EXOC4: variants seen among roughly 807,000 people sequenced by gnomAD.
EXOC4 encodes the protein exocyst complex component 4.
In EXOC4, 71 loss-of-function variants were observed where a neutral mutation model predicts 107.2. That is an observed-to-expected ratio of 0.66 (90% CI 0.55 to 0.81). EXOC4 has a LOEUF of 0.81. Ranked by LOEUF, EXOC4 falls within the 30% of genes least tolerant of loss-of-function variation. The pLI is 0.00. For synonymous variants in EXOC4, 456 were observed against 441.2 expected, an observed-to-expected ratio of 1.03 and a Z score of -0.42; for missense variants, 1,108 against 1,189.6, an observed-to-expected ratio of 0.93 and a Z score of 1.01.
At chr7:133,736,938 GT>G (rs1462061960) in intron 10 of EXOC4, among the ~76,000 whole-genome samples, 10 of 152,080 alleles carry the variant, frequency 6.6e-5, no homozygotes, top group African/African-American at 2.4e-4. Context: ...TGCTGAAATT[GT>G]TTTTGTTTTT....
chr7:133,309,575 G>GTA (rs377292906), intron 4 of EXOC4, among the ~76,000 whole-genome samples: 4 of 152,102 alleles, frequency 2.6e-5, no homozygotes, highest in African/African-American at 4.8e-5. Flanking sequence ...ATAGGTACAT[G>GTA]TATATATATA....
At chr7:133,679,007 G>A (rs140704264) in intron 10 of EXOC4, among the ~76,000 whole-genome samples, 62 of 151,898 alleles carry the variant, frequency 4.1e-4, no homozygotes, top group African/African-American at 1.2e-3. Context: ...TTTTATTTTT[G>A]TGTTTATTCT....
chr7:133,730,041 G>GGT (rs925722499), intron 10 of EXOC4, among the ~76,000 whole-genome samples: 6 of 150,680 alleles, frequency 4.0e-5, no homozygotes, highest in African/African-American at 1.5e-4. Context: ...CTTGGATTTA[G>GGT]GTGAAGGAAA....
At chr7:133,347,831 AAT>A (rs1795821421) in intron 5 of EXOC4, among the ~76,000 whole-genome samples, 1 of 152,134 alleles carries the variant, frequency 6.6e-6, no homozygotes. Flanking sequence ...AAAATCTTTT[AAT>A]ATTTAGCATT....
At chr7:133,793,443 A>G (rs1388993375) in intron 10 of EXOC4, among the ~76,000 whole-genome samples, 1 of 152,156 alleles carries the variant, frequency 6.6e-6, no homozygotes, top group East Asian at 1.9e-4. Flanking sequence ...GGGATCTGCC[A>G]CCATTCTGTT....
chr7:133,395,459 C>T (rs930982230), intron 7 of EXOC4, among the ~76,000 whole-genome samples: 1 of 152,012 alleles, frequency 6.6e-6, no homozygotes, highest in Non-Finnish European at 1.5e-5. Context: ...ATCTATTATG[C>T]TCTTGATTTT....
At chr7:133,463,522 T>C (rs999470027) in intron 7 of EXOC4, among the ~76,000 whole-genome samples, 2 of 152,138 alleles carry the variant, frequency 1.3e-5, no homozygotes, top group South Asian at 2.1e-4. Context: ...TCATTCAAAA[T>C]GTAGAAATAA....
intron 3 of EXOC4, among the ~76,000 whole-genome samples, chr7:133,303,943 C>T (rs536721353): frequency 2.6e-5 from 4 of 152,152 alleles, no homozygotes; most frequent in Admixed American, 6.5e-5. Flanking sequence ...CCAGGCACTG[C>T]GCTAAGTGTT....
chr7:133,298,431 C>T (rs1485149367), intron 3 of EXOC4, among the ~76,000 whole-genome samples: 1 of 152,072 alleles, frequency 6.6e-6, no homozygotes, highest in Admixed American at 6.6e-5. Flanking sequence ...AATAACATGA[C>T]ATGGTGAGTG....
At chr7:133,694,956 G>A (rs536224495) in intron 10 of EXOC4, among the ~76,000 whole-genome samples, 13 of 152,262 alleles carry the variant, frequency 8.5e-5, no homozygotes, top group Non-Finnish European at 1.8e-4. Flanking sequence ...CCGAGTAGCT[G>A]GGATTACAGG....
chr7:133,295,110 C>T (rs1482446096), intron 3 of EXOC4, among the ~76,000 whole-genome samples: 1 of 152,070 alleles, frequency 6.6e-6, no homozygotes, highest in African/African-American at 2.4e-5. Context: ...ATGATTGCTT[C>T]CATGTTATAA....
At chr7:133,828,390 G>A (rs925005314) in intron 11 of EXOC4, among the ~76,000 whole-genome samples, 1 of 152,178 alleles carries the variant, frequency 6.6e-6, no homozygotes, top group South Asian at 2.1e-4. Context: ...CTGATCGTGC[G>A]AGATTACTAG....
chr7:134,081,064 C>T, the EXOC4 span, among the ~76,000 whole-genome samples: 1 of 152,098 alleles, frequency 6.6e-6, no homozygotes, highest in East Asian at 1.9e-4. Context: ...CAACCCTGGC[C>T]AGGCATGGTG....
chr7:134,098,339 C>T, the EXOC4 span, among the ~76,000 whole-genome samples: 2 of 152,170 alleles, frequency 1.3e-5, no homozygotes, highest in African/African-American at 4.8e-5. Context: ...TATCATGCCA[C>T]AGAGAGTACA....
At position 133,718,735 on chromosome 7, in the gene EXOC4, A is replaced by C. The variant is rs533427416; in HGVS notation, c.1514+88594A>C. 1.0e-3 allele frequency among the ~76,000 whole-genome samples: 154 copies of C among 152,294 alleles called. 1 individual carries two copies. The highest frequency in any genetic ancestry group is 1.5e-3 in the Non-Finnish European group (100 of 68,022). On this transcript the variant is annotated intron_variant, in intron 10 of 17. Coordinates refer to ENST00000253861, the MANE Select transcript of EXOC4 (RefSeq NM_021807.4). ...GATTGTAGTGAGGATTAAATAAAAT[A>C]GCCATGTAACACATGGTGAATGTTT...
chr7:133,551,881 A>G (rs1313533668), intron 9 of EXOC4: 1 of 152,208 alleles, frequency 6.6e-6, no homozygotes, highest in Admixed American at 6.5e-5. Context: ...CATTAGTAAT[A>G]TAGCAGTAGT....
chr7:133,351,303 C>T (rs1276972481), intron 5 of EXOC4, among the ~76,000 whole-genome samples: 2 of 151,922 alleles, frequency 1.3e-5, no homozygotes, highest in Admixed American at 1.3e-4. Context: ...TAGAATTGAC[C>T]AGTGAAGCCA....
intron 9 of EXOC4, among the ~76,000 whole-genome samples, chr7:133,525,929 G>C (rs949968958): frequency 6.6e-6 from 1 of 152,072 alleles, no homozygotes; most frequent in Admixed American, 6.5e-5. Flanking sequence ...ATGGATTCCA[G>C]ATTAAGAAGT....
intron 6 of EXOC4, among the ~76,000 whole-genome samples, chr7:133,362,621 AG>A (rs761021677): frequency 7.2e-5 from 11 of 152,362 alleles, no homozygotes; most frequent in African/African-American, 2.6e-4. Flanking sequence ...ATTCAGAATG[AG>A]GGCATACTGC....
Sources: gnomAD v4.1 joint callset for allele counts (sites outside exome capture counted in the v4.1 genomes callset) on GRCh38, gnomAD v4.1.1 for gene constraint, MANE v1.5 for transcripts, NCBI Gene and HGNC (gene_info 2026-07-23, HGNC 2026-07-21) for gene names.